The following RACGAP1 variants were observed in gnomAD, a reference collection of about 807,000 sequenced individuals.
RACGAP1 encodes Rac GTPase activating protein 1.
RACGAP1 carries 30 observed loss-of-function variants against 78.1 expected under a neutral mutation model. The observed-to-expected ratio is 0.38, with a 90% confidence interval of 0.29 to 0.52. The LOEUF (loss-of-function observed/expected upper bound fraction) is 0.52, where lower values mean the gene tolerates loss of function less well. RACGAP1 is among the 20% of genes least tolerant of loss of function. RACGAP1 has a pLI of 0.82. For synonymous variants in RACGAP1, 231 were observed against 264.8 expected, an observed-to-expected ratio of 0.87 and a Z score of 1.24; for missense variants, 587 against 777.1, an observed-to-expected ratio of 0.76 and a Z score of 2.91.
intron 10 of RACGAP1, among the ~76,000 whole-genome samples, chr12:49,996,564 CA>C (rs1220918633): frequency 7.7e-6 from 1 of 130,568 alleles, no homozygotes; most frequent in African/African-American, 2.8e-5. Flanking sequence ...CGCTTGAGCC[CA>C]GGGGGGCGGA....
chr12:50,000,430 C>T (rs1297847806), intron 7 of RACGAP1, among the ~76,000 whole-genome samples: 1 of 151,948 alleles, frequency 6.6e-6, no homozygotes, highest in Non-Finnish European at 1.5e-5. Context: ...GCAGGGATTA[C>T]AGGCGTGAGC....
upstream of RACGAP1, among the ~76,000 whole-genome samples, chr12:50,030,348 CAAAA>C (rs58620170): frequency 7.3e-5 from 6 of 82,610 alleles, no homozygotes; most frequent in Admixed American, 1.3e-4. Flanking sequence ...GACCTTGTCT[CAAAA>C]AAAAAAAAAA....
intron 1 of RACGAP1, among the ~76,000 whole-genome samples, chr12:50,024,116 G>C (rs1592241678): frequency 6.6e-6 from 1 of 151,808 alleles, no homozygotes; most frequent in African/African-American, 2.4e-5. Context: ...AGCCGAGATC[G>C]CGCCACTGCA....
At chr12:49,994,022 C>T (rs911458659) in intron 12 of RACGAP1, 109 bp downstream of exon 12, 39 of 1,103,842 alleles carry the variant, frequency 3.5e-5, no homozygotes, top group Middle Eastern at 3.1e-4. Context: ...TCAGCCTGGG[C>T]GAGAGTGAGA....
chr12:50,005,268 G>A lies in RACGAP1; in HGVS notation c.413C>T (p.Ala138Val), dbSNP rs763877876. ...LNRGQPSSSN[A>V]GNKRLSTIDE... Reference sequence around the variant, plus strand: ...GCAGTTCCTCCACCTTTTGTTCCCAGCATTGCTGCTGGATGGTTGGCCTCT... The same window carrying A: ...GCAGTTCCTCCACCTTTTGTTCCCAACATTGCTGCTGGATGGTTGGCCTCT... Residue 138 changes from alanine (A) to valine (V), a missense_variant, in exon 4 of 17, where the codon GCT (alanine) becomes GTT (valine). Coordinates refer to ENST00000312377, the MANE Select transcript of RACGAP1 (RefSeq NM_001319999.2). 1.2e-5 allele frequency: 20 copies of A among 1,614,030 alleles called. No individual in the cohort carries two copies. In the South Asian group the frequency reaches 2.2e-4, roughly 18 times the overall value.
chr12:49,999,273 T>C lies in RACGAP1; in HGVS notation c.749-2A>G. ...CACTGTTCCAAGGTTGTAAAGTACC[T>C]AGAAAACAAGCAACTTTTAAGCTTT... On this transcript the variant is annotated splice_acceptor_variant, in intron 8 of 16. Transcript: ENST00000312377. LOFTEE classifies it high-confidence loss of function. The C allele has an allele frequency of 6.3e-7, 1 of 1,593,964 alleles. No individual in the cohort carries two copies. Among genetic ancestry groups the C allele is most frequent in the Non-Finnish European group, 8.5e-7 (1 of 1,175,058 alleles).
chr12:50,002,923 C>G (rs1948770093), intron 5 of RACGAP1, among the ~76,000 whole-genome samples: 1 of 150,970 alleles, frequency 6.6e-6, no homozygotes, highest in African/African-American at 2.4e-5. Flanking sequence ...ACTCTGGAGG[C>G]TGAGGCAGGA....
At chr12:50,018,653 C>T (rs1221109327) in intron 1 of RACGAP1, 12 of 915,450 alleles carry the variant, frequency 1.3e-5, no homozygotes, top group South Asian at 5.6e-5. Flanking sequence ...TCTATCATCT[C>T]GGCATTCACT....
chr12:50,020,041 T>G (rs1220859815), intron 1 of RACGAP1, among the ~76,000 whole-genome samples: 1 of 152,192 alleles, frequency 6.6e-6, no homozygotes, highest in Non-Finnish European at 1.5e-5. Flanking sequence ...AATAAGGATA[T>G]CAGTAAATTC....
intron 1 of RACGAP1, chr12:50,021,157 A>C: frequency 1.0e-6 from 1 of 977,408 alleles, no homozygotes; most frequent in South Asian, 4.7e-5. Flanking sequence ...TGTATTATTT[A>C]GTCCATAGCT....
Position 49,997,067 on chromosome 12 carries a change from C to T in RACGAP1, c.1017G>A (p.Leu339=), listed in dbSNP as rs774971731. Residue 339 remains leucine (L), a synonymous_variant, in exon 10 of 17, where the codon CTG becomes CTA. Coordinates refer to ENST00000312377, the MANE Select transcript of RACGAP1 (RefSeq NM_001319999.2). The part of the protein sequence containing the change: ...DRCPLPCIPT[L]IGTPVKIGEG... The stretch of plus-strand genomic sequence containing the variant: ...CTCCAATCTTGACAGGTGTTCCTAT[C>T]AGGGTAGGAATGCAGGGAAGGGGAC... The T allele has an allele frequency of 6.4e-7, 1 of 1,564,732 alleles. No individual in the cohort carries two copies. The highest frequency in any genetic ancestry group is 1.2e-5 in the South Asian group (1 of 85,930).
In RACGAP1 at chr12:49,991,937, G is replaced by A; in HGVS notation, c.1714+61C>T. 5 of 1,593,412 alleles carry A rather than the reference G, an allele frequency of 3.1e-6. No individual in the cohort carries two copies. In the South Asian group the frequency reaches 4.6e-5, roughly 15 times the overall value. ...ACAGCTCTAGCAAAGGCAGGAAGAG[G>A]TCATATGACTAAAACTAAAGAGAGA... On this transcript the variant is annotated intron_variant, in intron 15 of 16. Transcript: ENST00000312377.
chr12:49,992,037 A>C lies in RACGAP1; in HGVS notation c.1675T>G (p.Ser559Ala), dbSNP rs149087893. 668 of 1,614,090 alleles carry C rather than the reference A, an allele frequency of 4.1e-4. 2 individuals carry two copies. In the African/African-American group the frequency reaches 8.0e-3, roughly 19 times the overall value. ...GTCTGTGGTGTTGAAAAGGCATTTGAGTTTTCAATGACATGTAGGGGGTCA... is the reference window on the plus strand; with the variant it reads ...GTCTGTGGTGTTGAAAAGGCATTTGCGTTTTCAATGACATGTAGGGGGTCA... ...NIDPLHVIEN[S>A]NAFSTPQTPD... Residue 559 changes from serine to alanine, a missense_variant, in exon 15 of 17, where the codon TCA (serine) becomes GCA (alanine). By Grantham distance (99) the Ser-to-Ala change is moderately conservative. Coordinates refer to ENST00000312377, the MANE Select transcript of RACGAP1 (RefSeq NM_001319999.2).
In RACGAP1 at chr12:50,031,695, A is replaced by C; in HGVS notation, c.-24+2T>G. 1 of 984,668 alleles carries C rather than the reference A, an allele frequency of 1.0e-6. No homozygotes were observed. The highest frequency in any genetic ancestry group is 1.2e-6 in the Non-Finnish European group (1 of 829,820). 61.0% of individuals were successfully genotyped at this position (984,668 alleles called of 1,614,324 possible). Reference sequence around the variant, plus strand: ...CTCTTCACCAGGATAAGTTCTACTCACCCTCTAGACAGTTTAAACTTAAAC... The same window carrying C: ...CTCTTCACCAGGATAAGTTCTACTCCCCCTCTAGACAGTTTAAACTTAAAC... On this transcript the variant is annotated splice_donor_variant, in intron 2 of 3. Transcript: ENST00000548247. LOFTEE classifies it low-confidence loss of function (5UTR_SPLICE).
rs944152905 is a variant in RACGAP1, at chr12:50,025,183, A to C, written c.-5+215T>G. ...CCGGCTTTCCACAAAACCCGGCGCC[A>C]AGACAGAAGCCCCCGACCCTCCCAG... On this transcript the variant is annotated intron_variant, in intron 1 of 16. Coordinates refer to ENST00000312377, the MANE Select transcript of RACGAP1 (RefSeq NM_001319999.2). 7.5e-6 allele frequency: 4 copies of C among 531,868 alleles called. No individual in the cohort carries two copies. The African/African-American group carries it at 8.3e-5, about 11-fold the overall frequency. 32.9% of individuals were successfully genotyped at this position (531,868 alleles called of 1,614,324 possible). A position where few individuals can be genotyped will look rare whatever the true frequency, so the allele number is the denominator to read the frequency against.
chr12:50,025,647 C>A, upstream of RACGAP1: 3 of 700,674 alleles, frequency 4.3e-6, no homozygotes, highest in Non-Finnish European at 5.3e-6. Context: ...TGACTAATGT[C>A]AACGGTTTTT....
chr12:50,001,720 C>A (rs1269604440), intron 6 of RACGAP1, among the ~76,000 whole-genome samples: 1 of 152,142 alleles, frequency 6.6e-6, no homozygotes, highest in East Asian at 1.9e-4. Flanking sequence ...AATTGAAATG[C>A]AGCCTAAACA....
chr12:50,016,531 A>G (rs903602268), intron 2 of RACGAP1, 100 bp downstream of exon 2: 6 of 1,302,820 alleles, frequency 4.6e-6, no homozygotes, highest in Non-Finnish European at 6.6e-6. Context: ...GGTAACCCAA[A>G]TGGAAAACAA....
rs549369234 is a variant in RACGAP1, at chr12:50,024,192, G to T, written c.-5+1206C>A. Among the ~76,000 whole-genome samples, 3 of 151,634 alleles carry T rather than the reference G, an allele frequency of 2.0e-5. No individual in the cohort carries two copies. The East Asian group carries it at 5.8e-4, about 29-fold the overall frequency. On this transcript the variant is annotated intron_variant, in intron 1 of 16. Transcript: ENST00000312377. Reference sequence around the variant, plus strand: ...AAAAAAGAAATCAGTATATCAAAAAGACCCCTGCATTGATATATTTATCAC... The same window carrying T: ...AAAAAAGAAATCAGTATATCAAAAATACCCCTGCATTGATATATTTATCAC...
Sources: allele counts gnomAD v4.1 joint callset (sites outside exome capture counted in the v4.1 genomes callset), GRCh38; gene constraint gnomAD v4.1.1; transcripts MANE v1.5; gene names NCBI Gene and HGNC (gene_info 2026-07-23, HGNC 2026-07-21).